Variants in MACROD2 observed in about 807,000 individuals in gnomAD.
MACROD2 encodes ADP-ribose glycohydrolase MACROD2.
In MACROD2, 36 loss-of-function variants were observed where a neutral mutation model predicts 70.4. The observed-to-expected ratio is 0.51, with a 90% CI of 0.39 to 0.68. The LOEUF (loss-of-function observed/expected upper bound fraction) is 0.68, where lower values mean the gene tolerates loss of function less well. Ranked by LOEUF, MACROD2 falls within the 30% of genes least tolerant of loss-of-function variation. MACROD2 has a pLI of 0.00. For missense variants in MACROD2, 496 were observed against 538.4 expected (o/e 0.92, Z 0.78); for synonymous variants, 172 against 178.8 (o/e 0.96, Z 0.30).
At chr20:15,498,466 C>T (rs189944453) in intron 7 of MACROD2, among the ~76,000 whole-genome samples, 24 of 152,044 alleles carry the variant, frequency 1.6e-4, no homozygotes, top group Middle Eastern at 3.4e-3. Context: ...ATAGACAAGC[C>T]GTATAAGGAA....
At chr20:15,474,808 C>T (rs2047000699) in intron 7 of MACROD2, among the ~76,000 whole-genome samples, 1 of 152,132 alleles carries the variant, frequency 6.6e-6, no homozygotes, top group South Asian at 2.1e-4. Flanking sequence ...GCAGCTGACC[C>T]TGGCTGGATG....
chr20:15,046,160 T>G (rs902944410), intron 5 of MACROD2, among the ~76,000 whole-genome samples: 1 of 151,518 alleles, frequency 6.6e-6, no homozygotes, highest in Non-Finnish European at 1.5e-5. Context: ...ATAGAATAAA[T>G]GCCACATAAG....
chr20:15,862,399 G>A (rs2064436130), intron 8 of MACROD2, among the ~76,000 whole-genome samples: 1 of 152,274 alleles, frequency 6.6e-6, no homozygotes, highest in African/African-American at 2.4e-5. Flanking sequence ...TCGTGTGGCT[G>A]TTTTATAGGA....
At chr20:14,723,885 A>G (rs1343905832) in intron 5 of MACROD2, among the ~76,000 whole-genome samples, 3 of 151,994 alleles carry the variant, frequency 2.0e-5, no homozygotes, top group Non-Finnish European at 2.9e-5. Context: ...ATGTGAAATG[A>G]ATTATGTTCT....
intron 4 of MACROD2, among the ~76,000 whole-genome samples, chr20:14,663,959 C>T (rs1333844332): frequency 6.6e-6 from 1 of 152,038 alleles, no homozygotes; most frequent in African/African-American, 2.4e-5. Flanking sequence ...GATAGATTGA[C>T]TTTACTTTTT....
intron 8 of MACROD2, among the ~76,000 whole-genome samples, chr20:15,646,753 G>A (rs991578821): frequency 3.9e-5 from 6 of 152,140 alleles, no homozygotes; most frequent in African/African-American, 1.4e-4. Context: ...TCTCTTTCCT[G>A]CAGCCTTGTG....
intron 7 of MACROD2, among the ~76,000 whole-genome samples, chr20:15,480,650 G>A (rs1014413692): frequency 1.3e-5 from 2 of 152,082 alleles, no homozygotes; most frequent in Non-Finnish European, 2.9e-5. Flanking sequence ...AAGGAGTCAG[G>A]TTACCAGGAG....
intron 5 of MACROD2, among the ~76,000 whole-genome samples, chr20:14,907,294 T>C (rs1600803551): frequency 6.6e-6 from 1 of 152,218 alleles, no homozygotes; most frequent in East Asian, 1.9e-4. Flanking sequence ...ACACTGACTA[T>C]GGGATGGCCC....
chr20:14,953,641 G>C (rs1488497891), intron 5 of MACROD2, among the ~76,000 whole-genome samples: 1 of 152,124 alleles, frequency 6.6e-6, no homozygotes, highest in East Asian at 1.9e-4. Context: ...AATAGAGAGT[G>C]CTCTGACCCA....
At chr20:14,655,207 TTCA>T (rs1458182479) in intron 4 of MACROD2, among the ~76,000 whole-genome samples, 1 of 152,166 alleles carries the variant, frequency 6.6e-6, no homozygotes. Flanking sequence ...TTCCATCTAT[TTCA>T]TCTTTGTATT....
intron 6 of MACROD2, among the ~76,000 whole-genome samples, chr20:15,416,595 T>G (rs769283313): frequency 6.6e-6 from 1 of 152,106 alleles, no homozygotes. Flanking sequence ...TGTTTGCACA[T>G]GTAATTGGTT....
At chr20:14,097,214 T>C (rs930168602) in intron 3 of MACROD2, among the ~76,000 whole-genome samples, 1 of 152,212 alleles carries the variant, frequency 6.6e-6, no homozygotes, top group Non-Finnish European at 1.5e-5. Context: ...TATAGTCTTA[T>C]ACCAAACCCA....
chr20:14,943,125 G>A (rs967439890), intron 5 of MACROD2, among the ~76,000 whole-genome samples: 3 of 152,190 alleles, frequency 2.0e-5, no homozygotes, highest in South Asian at 4.1e-4. Flanking sequence ...GTTGAAAAGT[G>A]TTCAAGTGTG....
chr20:15,193,219 G>A (rs1601202457), intron 5 of MACROD2, among the ~76,000 whole-genome samples: 1 of 152,124 alleles, frequency 6.6e-6, no homozygotes, highest in African/African-American at 2.4e-5. Flanking sequence ...ATAGAAATAT[G>A]TATTAGAGTA....
chr20:14,244,913 C>A (rs939405007), intron 3 of MACROD2, among the ~76,000 whole-genome samples: 2 of 152,186 alleles, frequency 1.3e-5, no homozygotes, highest in African/African-American at 4.8e-5. Context: ...ACCCTAAGCA[C>A]ACAGTTGTTG....
chr20:14,076,477 C>G (rs181704962), intron 2 of MACROD2, among the ~76,000 whole-genome samples: 2 of 150,966 alleles, frequency 1.3e-5, no homozygotes, highest in African/African-American at 4.9e-5. Flanking sequence ...ATGGTGAAAC[C>G]CATCTCTACC....
In MACROD2 at chr20:14,033,962, T is replaced by TTTTATTTATTTA. The variant is rs71190108; in HGVS notation, c.163+31574_163+31585dup. On this transcript the variant is annotated intron_variant, in intron 2 of 17. Transcript: ENST00000684519. ...TATTGATCTACCTCACCTATTTTTA[T>TTTTATTTATTTA]TTTATTTATTTATTTATTTATTTAT... is the stretch of plus-strand genomic sequence containing the variant. 3.9e-3 allele frequency among the ~76,000 whole-genome samples: 581 copies of TTTTATTTATTTA among 150,168 alleles called. 1 individual carries two copies. Among genetic ancestry groups the TTTTATTTATTTA allele is most frequent in the Middle Eastern group, 0.01 (3 of 288 alleles).
intron 13 of MACROD2, among the ~76,000 whole-genome samples, chr20:15,981,201 A>AG (rs2066393425): frequency 6.6e-6 from 1 of 152,146 alleles, no homozygotes; most frequent in Non-Finnish European, 1.5e-5. Context: ...ATAACCTGGT[A>AG]GGGTCAGGCT....
intron 6 of MACROD2, among the ~76,000 whole-genome samples, chr20:15,268,868 A>G (rs1351818597): frequency 2.0e-5 from 3 of 152,044 alleles, no homozygotes; most frequent in Non-Finnish European, 2.9e-5. Flanking sequence ...TGAACTCCCC[A>G]CGGGAAAAAA....
Sources: gnomAD v4.1 joint callset for allele counts (sites outside exome capture counted in the v4.1 genomes callset) on GRCh38, gnomAD v4.1.1 for gene constraint, MANE v1.5 for transcripts, NCBI Gene and HGNC (gene_info 2026-07-23, HGNC 2026-07-21) for gene names.